FAM163A: variants seen among roughly 807,000 people sequenced by gnomAD.
The protein encoded by FAM163A is family with sequence similarity 163 member A.
Under a neutral mutation model 12.0 loss-of-function variants are expected in FAM163A, and 7 were observed. The observed-to-expected ratio is 0.58, with a 90% CI of 0.33 to 1.10. The LOEUF (loss-of-function observed/expected upper bound fraction) is 1.10. Among genes scored for constraint, FAM163A ranks in the 50% least tolerant of loss-of-function variants. FAM163A has a pLI of 0.03. For synonymous variants in FAM163A, 101 were observed against 91.0 expected (o/e 1.11, Z -0.62); for missense variants, 202 against 218.6 (o/e 0.92, Z 0.48).
intron 1 of FAM163A, among the ~76,000 whole-genome samples, chr1:179,774,757 T>A (rs1196272623): frequency 2.6e-5 from 4 of 152,110 alleles, no homozygotes; most frequent in Admixed American, 2.0e-4. Context: ...GGACAGCCTG[T>A]TTCCACCCGC....
At chr1:179,735,495 CTT>C in the FAM163A span, among the ~76,000 whole-genome samples, 14 of 62,178 alleles carry the variant, frequency 2.3e-4, no homozygotes, top group Non-Finnish European at 3.2e-4. Flanking sequence ...GAGTTACATT[CTT>C]TTTTTTTTTT....
At chr1:179,796,116 G>A (rs981682722) in intron 1 of FAM163A, among the ~76,000 whole-genome samples, 22 of 148,908 alleles carry the variant, frequency 1.5e-4, no homozygotes, top group African/African-American at 5.5e-4. Context: ...CCCTTCTCCA[G>A]AGAAACATTC....
chr1:179,755,212 A>G lies in FAM163A; in HGVS notation c.-136+11789A>G, dbSNP rs188332480. Among the ~76,000 whole-genome samples the G allele has an allele frequency of 1.4e-3, 216 of 150,860 alleles. 2 individuals are homozygous for G. Among genetic ancestry groups the G allele is most frequent in the Non-Finnish European group, 2.8e-3 (191 of 67,882 alleles). On this transcript the variant is annotated intron_variant, in intron 1 of 4. Coordinates refer to ENST00000341785, the MANE Select transcript of FAM163A (RefSeq NM_173509.3). ...GGTCAGTGAAGAATAGTTTGAGTGT[A>G]GAAGTGGGGTAGAATGGGGATGGAG...
intron 1 of FAM163A, among the ~76,000 whole-genome samples, chr1:179,749,726 G>T (rs949037897): frequency 6.6e-6 from 1 of 152,150 alleles, no homozygotes; most frequent in Non-Finnish European, 1.5e-5. Context: ...AGGCATGGTG[G>T]CATGTGCCTG....
intron 4 of FAM163A, 150 bp downstream of exon 4, chr1:179,813,340 G>T: frequency 1.3e-6 from 1 of 784,416 alleles, no homozygotes; most frequent in East Asian, 2.7e-5. Flanking sequence ...GATGGGAGTT[G>T]GGGCTGGTCG....
chr1:179,776,505 CAGAG>C (rs1003711300), intron 1 of FAM163A, among the ~76,000 whole-genome samples: 9 of 149,528 alleles, frequency 6.0e-5, no homozygotes, highest in African/African-American at 1.5e-4. Flanking sequence ...AAAAAAAAAA[CAGAG>C]AGAGAAACCA....
At chr1:179,739,482 C>A (rs537599801), upstream of FAM163A, among the ~76,000 whole-genome samples, 4 of 152,156 alleles carry the variant, frequency 2.6e-5, no homozygotes, top group African/African-American at 9.7e-5. Flanking sequence ...GTTTTGAATG[C>A]GGCCCAACAC....
Position 179,758,040 on chromosome 1 carries a change from G to A in FAM163A, c.-136+14617G>A, listed in dbSNP as rs891036695. Among the ~76,000 whole-genome samples the A allele has an allele frequency of 2.0e-5, 3 of 152,196 alleles. No individual in the cohort carries two copies. The East Asian group carries it at 5.8e-4, about 29-fold the overall frequency. Reference sequence around the variant, plus strand: ...TTGGAGCTGTTAAGTTCAGGCAGTGGCAGAAAATCCATGGGAACAAGTCCT... The same window carrying A: ...TTGGAGCTGTTAAGTTCAGGCAGTGACAGAAAATCCATGGGAACAAGTCCT... On this transcript the variant is annotated intron_variant, in intron 1 of 4. Coordinates refer to ENST00000341785, the MANE Select transcript of FAM163A (RefSeq NM_173509.3).
chr1:179,774,886 T>C (rs1688733872), intron 1 of FAM163A, among the ~76,000 whole-genome samples: 1 of 152,186 alleles, frequency 6.6e-6, no homozygotes, highest in Non-Finnish European at 1.5e-5. Context: ...TCTGTTCCAC[T>C]GAAAAACATT....
At position 179,814,363 on chromosome 1, in the gene FAM163A, G is replaced by GAC. The variant is rs1186228515; in HGVS notation, c.*176_*177dup. ...AGCTTTTGAGTGCATTGAGAACCAA[G>GAC]ACAGGGCCTGGCTCCAACTCTGTGG... On this transcript the variant is annotated 3_prime_UTR_variant, in exon 5 of 5. Coordinates refer to ENST00000341785, the MANE Select transcript of FAM163A (RefSeq NM_173509.3). The GAC allele has an allele frequency of 5.8e-6, 5 of 856,030 alleles. No individual in the cohort carries two copies. The Admixed American group carries it at 9.9e-5, about 17-fold the overall frequency. 53.0% of individuals were successfully genotyped at this position (856,030 alleles called of 1,614,324 possible). A position where few individuals can be genotyped will look rare whatever the true frequency, so the allele number is the denominator to read the frequency against.
intron 4 of FAM163A, 48 bp from the exon 5 acceptor site, chr1:179,813,731 C>CG: frequency 6.2e-7 from 1 of 1,602,916 alleles, no homozygotes; most frequent in Non-Finnish European, 8.5e-7. Flanking sequence ...ATGCATGGGG[C>CG]GGGGGGAGCA....
At chr1:179,813,467 A>G (rs999450100) in intron 4 of FAM163A, among the ~76,000 whole-genome samples, 1 of 152,212 alleles carries the variant, frequency 6.6e-6, no homozygotes, top group African/African-American at 2.4e-5. Flanking sequence ...GAGCATGGGA[A>G]GAGCACCATT....
In FAM163A at chr1:179,814,091, TC is replaced by T; in HGVS notation, c.409del (p.Leu137SerfsTer11). ...PTYYKEGGPP[S>X]LKLAAPQSYP... is the part of the protein sequence containing the mutation. ...ATACTACAAAGAGGGGGGACCCCCA[TC>T]CCTCAAATTGGCAGCACCCCAGAGT... On this transcript the variant is annotated frameshift_variant, in exon 5 of 5. Transcript: ENST00000341785. LOFTEE classifies it high-confidence loss of function. 1 of 1,614,152 alleles carries T rather than the reference TC, an allele frequency of 6.2e-7. No individual in the cohort carries two copies. The highest frequency in any genetic ancestry group is 8.5e-7 in the Non-Finnish European group (1 of 1,180,022).
the FAM163A span, among the ~76,000 whole-genome samples, chr1:179,737,972 C>T: frequency 0.31 from 47,302 of 152,030 alleles, 7,554 homozygotes; most frequent in South Asian, 0.42. Flanking sequence ...TAAATAGGTG[C>T]AGTTTACATG....
chr1:179,755,570 A>G (rs1685904966), intron 1 of FAM163A, among the ~76,000 whole-genome samples: 2 of 152,262 alleles, frequency 1.3e-5, no homozygotes, highest in African/African-American at 4.8e-5. Context: ...GTGAAGAATA[A>G]TCACATGGCA....
At chr1:179,743,732 CGGGTGG>C (rs1274938322) in intron 1 of FAM163A, among the ~76,000 whole-genome samples, 2 of 152,164 alleles carry the variant, frequency 1.3e-5, no homozygotes, top group African/African-American at 2.4e-5. Context: ...GGCCAGACCG[CGGGTGG>C]CGGTGCTCGC....
At position 179,816,080 on chromosome 1, in the gene FAM163A, C is replaced by T. The variant is rs1695294259; in HGVS notation, c.*1891C>T. On this transcript the variant is annotated 3_prime_UTR_variant, in exon 5 of 5. Coordinates refer to ENST00000341785, the MANE Select transcript of FAM163A (RefSeq NM_173509.3). ...GAAAAAGATCTGCCGGCCCAGAGCA[C>T]TCCCTCTTGCCCTAATCCTGGCAGG... The T allele has an allele frequency of 1.3e-5, 2 of 152,268 alleles. No homozygotes were observed. Among genetic ancestry groups the T allele is most frequent in the African/African-American group, 2.4e-5 (1 of 41,458 alleles). 9.4% of individuals were successfully genotyped at this position (152,268 alleles called of 1,614,324 possible).
intron 1 of FAM163A, among the ~76,000 whole-genome samples, chr1:179,791,512 C>T (rs1269014156): frequency 6.6e-6 from 1 of 151,932 alleles, no homozygotes; most frequent in Non-Finnish European, 1.5e-5. Flanking sequence ...ACTGCATGTA[C>T]ATGAGGCTCC....
chr1:179,813,199 C>A lies in FAM163A; in HGVS notation c.93+9C>A, dbSNP rs1005823582. On this transcript the variant is annotated intron_variant, in intron 4 of 4. Coordinates refer to ENST00000341785, the MANE Select transcript of FAM163A (RefSeq NM_173509.3). ...GCTACTGCAGGCTCCAGGTCAGTCC[C>A]CGGGACCCGTAGCCAGAGGCTGCCA... The A allele has an allele frequency of 4.5e-6, 7 of 1,551,148 alleles. No individual in the cohort carries two copies. In the Admixed American group the frequency reaches 1.2e-4, roughly 26 times the overall value.
Sources: allele counts gnomAD v4.1 joint callset (sites outside exome capture counted in the v4.1 genomes callset), GRCh38; gene constraint gnomAD v4.1.1; transcripts MANE v1.5; gene names NCBI Gene and HGNC (gene_info 2026-07-23, HGNC 2026-07-21).